NBPF15: variants seen among roughly 807,000 people sequenced by gnomAD.
The protein encoded by NBPF15 is NBPF member 15, also known as NBPF family member NBPF15.
In NBPF15, 74 loss-of-function variants were observed where a neutral mutation model predicts 62.2. The observed-to-expected ratio is 1.19, with a 90% CI of 0.99 to 1.44. The LOEUF (loss-of-function observed/expected upper bound fraction) is 1.44. Ranked by LOEUF, NBPF15 falls within the 40% of genes most tolerant of loss-of-function variation. The probability of loss-of-function intolerance (pLI) is 0.00; values close to 1 mark genes in which losing one functional copy is unlikely to be tolerated. For synonymous variants in NBPF15, 244 were observed against 209.7 expected (o/e 1.16, Z -1.41); for missense variants, 790 against 550.0 (o/e 1.44, Z -4.36).
chr1:144,433,114 G>C (rs1437616138), intron 13 of NBPF15, among the ~76,000 whole-genome samples: 1 of 151,996 alleles, frequency 6.6e-6, no homozygotes, highest in African/African-American at 2.4e-5. Context: ...TCAGACCACA[G>C]TGCCATCAAA....
chr1:144,443,252 AAATC>A (rs1198237011), intron 6 of NBPF15, among the ~76,000 whole-genome samples: 3 of 152,018 alleles, frequency 2.0e-5, no homozygotes, highest in Non-Finnish European at 2.9e-5. Context: ...TACTAAAAAA[AAATC>A]AATAACTGTA....
chr1:144,452,314 C>T (rs1312688897), intron 4 of NBPF15, among the ~76,000 whole-genome samples: 1 of 151,812 alleles, frequency 6.6e-6, no homozygotes, highest in African/African-American at 2.4e-5. Flanking sequence ...ACAGATGAAC[C>T]AATTCAAGGA....
At chr1:144,445,332 A>AATATATATATACATATATATATATAT (rs1261424332) in intron 6 of NBPF15, among the ~76,000 whole-genome samples, 18 of 92,516 alleles carry the variant, frequency 1.9e-4, no homozygotes, top group African/African-American at 7.2e-4. Flanking sequence ...CAAAACGGTG[A>AATATATATATACATATATATATATAT]ATATATATAT....
rs1232506245 is a variant in NBPF15, at chr1:144,456,288, G to A, written c.-432+249C>T. On this transcript the variant is annotated intron_variant, in intron 4 of 21. Coordinates refer to ENST00000581897, the MANE Select transcript of NBPF15 (RefSeq NM_001385408.1). ...ATGCAGATCTAGCTACTAAGGAAAA[G>A]TCCTGGAGAGAACACTCTCCTCTCC... Among the ~76,000 whole-genome samples the A allele has an allele frequency of 2.0e-5, 3 of 151,904 alleles. 1 individual carries two copies. The highest frequency in any genetic ancestry group is 2.9e-5 in the Non-Finnish European group (2 of 67,940).
At chr1:144,423,407 T>C (rs1262799273) in intron 21 of NBPF15, 151 bp from the exon 22 acceptor site, 13 of 1,531,556 alleles carry the variant, frequency 8.5e-6, no homozygotes, top group Non-Finnish European at 1.1e-5. Flanking sequence ...ATTGCCTTTA[T>C]GTTGGGATAG....
At chr1:144,436,324 G>T (rs1558606319) in intron 10 of NBPF15, among the ~76,000 whole-genome samples, 1 of 151,936 alleles carries the variant, frequency 6.6e-6, no homozygotes, top group South Asian at 2.1e-4. Context: ...CTATCCATGG[G>T]GAGTGCTCCA....
Position 144,424,709 on chromosome 1 carries a change from G to A in NBPF15, c.1644C>T (p.Gly548=), listed in dbSNP as rs1397544991. ...SFYALEEKHV[G]FSLDVGEIEK... Reference sequence around the variant, plus strand: ...ACTCACCTCCCACGTCAAGAGAAAAGCCAACATGTTTTTCCTCCAATGCAT... The same window carrying A: ...ACTCACCTCCCACGTCAAGAGAAAAACCAACATGTTTTTCCTCCAATGCAT... The change falls in exon 20 of 22, where the codon GGC becomes GGT. Residue 548 remains glycine, a synonymous_variant. Coordinates refer to ENST00000581897, the MANE Select transcript of NBPF15 (RefSeq NM_001385408.1). 2.1e-5 allele frequency: 13 copies of A among 621,888 alleles called. No homozygotes were observed. Among genetic ancestry groups the A allele is most frequent in the Non-Finnish European group, 3.7e-5 (13 of 356,014 alleles). 38.5% of individuals were successfully genotyped at this position (621,888 alleles called of 1,614,324 possible).
At chr1:144,431,475 GTATA>G in intron 13 of NBPF15, among the ~76,000 whole-genome samples, 1 of 147,758 alleles carries the variant, frequency 6.8e-6, no homozygotes, top group African/African-American at 2.5e-5. Flanking sequence ...TTGTGTGTAT[GTATA>G]TATATATATA....
chr1:144,439,111 G>A (rs1304498366), intron 8 of NBPF15, among the ~76,000 whole-genome samples: 1 of 151,658 alleles, frequency 6.6e-6, no homozygotes, highest in Non-Finnish European at 1.5e-5. Context: ...AGCCTCCTAG[G>A]CAGGGGTGAT....
intron 14 of NBPF15, among the ~76,000 whole-genome samples, chr1:144,429,163 G>T (rs9438168): frequency 6.6e-6 from 1 of 151,586 alleles, no homozygotes; most frequent in Non-Finnish European, 1.5e-5. Context: ...TCTAGAAAAC[G>T]TACCAGGAAC....
chr1:144,432,983 C>G (rs1413440067), intron 13 of NBPF15, among the ~76,000 whole-genome samples: 14 of 151,196 alleles, frequency 9.3e-5, no homozygotes, highest in African/African-American at 2.7e-4. Flanking sequence ...ACTCTCCACC[C>G]CAAATCAACA....
Position 144,435,239 on chromosome 1 carries a change from T to A in NBPF15, c.644A>T (p.His215Leu). 1 of 1,612,852 alleles carries A rather than the reference T, an allele frequency of 6.2e-7. No homozygotes were observed. Among genetic ancestry groups the A allele is most frequent in the Non-Finnish European group, 8.5e-7 (1 of 1,179,642 alleles). ...EECAITCSNSHGPYDSNQPHK... is the reference protein window; with the variant it reads ...EECAITCSNSLGPYDSNQPHK... ...TGGCTGGTTGGAGTCATAAGGGCCA[T>A]GGCTATTTGAACAAGTGATGGCACA... Residue 215 changes from histidine (H) to leucine (L), a missense_variant, in exon 12 of 22, where the codon CAT becomes CTT. His to Leu is a moderately conservative substitution (Grantham distance 99). Coordinates refer to ENST00000581897, the MANE Select transcript of NBPF15 (RefSeq NM_001385408.1).
intron 4 of NBPF15, among the ~76,000 whole-genome samples, chr1:144,456,000 G>T (rs1159740227): frequency 6.6e-6 from 1 of 152,010 alleles, no homozygotes; most frequent in African/African-American, 2.4e-5. Context: ...TTCAAAAGTG[G>T]CCTCTCTTTT....
At chr1:144,453,476 G>A (rs1553545982) in intron 4 of NBPF15, among the ~76,000 whole-genome samples, 1 of 151,344 alleles carries the variant, frequency 6.6e-6, no homozygotes, top group Admixed American at 6.6e-5. Context: ...AAAAAATTAA[G>A]TTGAGCCTCA....
chr1:144,457,686 AT>A lies in NBPF15; in HGVS notation c.-700-882del, dbSNP rs1184248184. On this transcript the variant is annotated intron_variant, in intron 3 of 21. Transcript: ENST00000581897. ...TCCAGGAGCTTATGTTGAAAATGAG[AT>A]TGAACACATACAAAATAATCATAAT... Among the ~76,000 whole-genome samples the A allele has an allele frequency of 1.3e-5, 2 of 152,056 alleles. 1 individual carries two copies. Among genetic ancestry groups the A allele is most frequent in the Non-Finnish European group, 2.9e-5 (2 of 67,976 alleles).
At position 144,436,972 on chromosome 1, in the gene NBPF15, G is replaced by T. The variant is rs1200140693; in HGVS notation, c.416C>A (p.Ser139Tyr). Reference protein sequence around the residue: ...ALLTPDEPDKSQGQDLQEQLA... With the variant: ...ALLTPDEPDKYQGQDLQEQLA... ...CTGTTCTTGGAGGTCCTGCCCCTGG[G>T]ACTTGTCCGGCTCATCCGGAGTGAG... The change falls in exon 10 of 22, where the codon TCC (serine) becomes TAC (tyrosine). Residue 139 changes from serine to tyrosine, a missense_variant. By Grantham distance (144) the Ser-to-Tyr change is moderately radical. Transcript: ENST00000581897. 1 of 1,608,406 alleles carries T rather than the reference G, an allele frequency of 6.2e-7. No individual in the cohort carries two copies. Among genetic ancestry groups the T allele is most frequent in the Non-Finnish European group, 8.5e-7 (1 of 1,176,274 alleles).
chr1:144,438,505 TC>T (rs1480099318), intron 8 of NBPF15, among the ~76,000 whole-genome samples: 5 of 152,022 alleles, frequency 3.3e-5, no homozygotes, highest in Non-Finnish European at 5.9e-5. Flanking sequence ...ATTTTTAAAA[TC>T]TTTGATTTTT....
At position 144,422,963 on chromosome 1, in the gene NBPF15, C is replaced by A. The variant is rs1451075709; in HGVS notation, c.*50G>T. 1 of 1,611,574 alleles carries A rather than the reference C, an allele frequency of 6.2e-7. No homozygotes were observed. Among genetic ancestry groups the A allele is most frequent in the Non-Finnish European group, 8.5e-7 (1 of 1,179,604 alleles). ...TACTTTCATTCAAATCTTCTCGTGC[C>A]TATAGGTCCTGCCTGCAGGAATGAC... On this transcript the variant is annotated 3_prime_UTR_variant, in exon 22 of 22. Transcript: ENST00000581897.
chr1:144,461,561 G>C lies in NBPF15; in HGVS notation c.-1118C>G, dbSNP rs1385123550. On this transcript the variant is annotated 5_prime_UTR_variant, in exon 1 of 22. Coordinates refer to ENST00000581897, the MANE Select transcript of NBPF15 (RefSeq NM_001385408.1). ...TTCACTCAGATGCTCACGCAGCCTCGCGACCCTCACCTACCCCTCCCGATA... is the reference window on the plus strand; with the variant it reads ...TTCACTCAGATGCTCACGCAGCCTCCCGACCCTCACCTACCCCTCCCGATA... 7.8e-5 allele frequency: 12 copies of C among 152,922 alleles called. No homozygotes were observed. The Admixed American group carries it at 7.9e-4, about 10-fold the overall frequency. The allele number at this position is 152,922 out of a possible 1,614,324, so 9.5% of individuals were successfully genotyped here.
Sources: gnomAD v4.1 joint callset for allele counts (sites outside exome capture counted in the v4.1 genomes callset) on GRCh38, gnomAD v4.1.1 for gene constraint, MANE v1.5 for transcripts, NCBI Gene and HGNC (gene_info 2026-07-23, HGNC 2026-07-21) for gene names.